The following GJB7 variants were observed in gnomAD, a reference collection of about 807,000 sequenced individuals.
GJB7 encodes gap junction protein beta 7, also known as gap junction beta-7 protein.
For missense variants in GJB7, 253 were observed against 256.8 expected, an observed-to-expected ratio of 0.99 and a Z score of 0.10; for synonymous variants, 87 against 95.2, an observed-to-expected ratio of 0.91 and a Z score of 0.50.
intron 2 of GJB7, among the ~76,000 whole-genome samples, chr6:87,303,501 A>T (rs980954970): frequency 7.9e-5 from 12 of 152,246 alleles, no homozygotes; most frequent in African/African-American, 2.2e-4. Context: ...TATGCACCTA[A>T]TACAGGAGCA....
chr6:87,290,996 G>A (rs1455219812), intron 2 of GJB7, among the ~76,000 whole-genome samples: 1 of 152,158 alleles, frequency 6.6e-6, no homozygotes. Context: ...ATGAAGCCAC[G>A]ATGGGTAGAT....
rs749175814 is a variant in GJB7 at position 87,284,593 on chromosome 6, T to C, written c.320A>G (p.Lys107Arg). 3 of 1,614,174 alleles carry C rather than the reference T, an allele frequency of 1.9e-6. No homozygotes were observed. The Admixed American group carries it at 5.0e-5, about 27-fold the overall frequency. ...TGTACCTGGGCTGACATAGAGTTTC[T>C]TTCTGTGCCTTTTCTCTCTACCCTC... is the stretch of plus-strand genomic sequence containing the variant. ...YHEGREKRHR[K>R]KLYVSPGTMD... is the part of the protein sequence containing the mutation. Residue 107 changes from lysine (K) to arginine (R), a missense_variant, in exon 3 of 3, where the codon AAG becomes AGG. Coordinates refer to ENST00000525899, the MANE Select transcript of GJB7 (RefSeq NM_198568.3).
intron 2 of GJB7, among the ~76,000 whole-genome samples, chr6:87,293,319 G>T (rs996562941): frequency 4.6e-5 from 7 of 152,138 alleles, no homozygotes; most frequent in Non-Finnish European, 1.0e-4. Flanking sequence ...ATGAGCCACC[G>T]CACCCAGCCT....
chr6:87,321,602 G>C (rs1444871437), intron 2 of GJB7, among the ~76,000 whole-genome samples: 1 of 152,108 alleles, frequency 6.6e-6, no homozygotes, highest in Non-Finnish European at 1.5e-5. Flanking sequence ...CCAAGACAGA[G>C]GTCCATTCCT....
chr6:87,327,166 C>T (rs1345926231), intron 1 of GJB7, among the ~76,000 whole-genome samples: 2 of 150,368 alleles, frequency 1.3e-5, no homozygotes, highest in African/African-American at 4.9e-5. Flanking sequence ...TGTGTCTCTG[C>T]ACGTGAGATG....
chr6:87,292,360 C>T (rs1458897680), intron 2 of GJB7, among the ~76,000 whole-genome samples: 1 of 152,154 alleles, frequency 6.6e-6, no homozygotes, highest in African/African-American at 2.4e-5. Context: ...GTTAATTTAT[C>T]TTTGATGAGC....
At chr6:87,325,560 G>C (rs1405007283) in intron 1 of GJB7, among the ~76,000 whole-genome samples, 1 of 149,806 alleles carries the variant, frequency 6.7e-6, no homozygotes, top group Non-Finnish European at 1.5e-5. Context: ...TTATATGCTG[G>C]ATTACATTTA....
Position 87,284,026 on chromosome 6 carries a change from C to A in GJB7, c.*215G>T. 3 of 523,980 alleles carry A rather than the reference C, an allele frequency of 5.7e-6. No homozygotes were observed. Among genetic ancestry groups the A allele is most frequent in the East Asian group, 6.2e-5 (2 of 32,282 alleles). The allele number at this position is 523,980 out of a possible 1,614,324, so 32.5% of individuals were successfully genotyped here. A position where few individuals can be genotyped will look rare whatever the true frequency, so the allele number is the denominator to read the frequency against. Reference sequence around the variant, plus strand: ...GCATATTGACAATGTAAAAAAATTCCTCCCAAATGATACTAAGGCTGATGT... The same window carrying A: ...GCATATTGACAATGTAAAAAAATTCATCCCAAATGATACTAAGGCTGATGT... On this transcript the variant is annotated 3_prime_UTR_variant, in exon 3 of 3. Transcript: ENST00000525899.
At chr6:87,323,440 A>G (rs1420887133) in intron 1 of GJB7, among the ~76,000 whole-genome samples, 2 of 102,868 alleles carry the variant, frequency 1.9e-5, no homozygotes, top group Non-Finnish European at 3.7e-5. Context: ...CCACCCCACA[A>G]CAGACCTCAG....
intron 2 of GJB7, among the ~76,000 whole-genome samples, chr6:87,310,094 G>A (rs1776494241): frequency 6.6e-6 from 1 of 152,020 alleles, no homozygotes; most frequent in Non-Finnish European, 1.5e-5. Context: ...GGGCCAATTG[G>A]AAATCCATAT....
intron 1 of GJB7, among the ~76,000 whole-genome samples, chr6:87,326,569 G>C (rs1776826685): frequency 1.3e-5 from 2 of 149,990 alleles, no homozygotes; most frequent in Non-Finnish European, 3.0e-5. Context: ...CCATGTAGTT[G>C]AGTGGTTTTG....
At chr6:87,301,067 A>T (rs1776314853) in intron 2 of GJB7, among the ~76,000 whole-genome samples, 2 of 152,234 alleles carry the variant, frequency 1.3e-5, no homozygotes, top group Non-Finnish European at 1.5e-5. Context: ...ATATGGCTGA[A>T]TAGGAACAGC....
chr6:87,326,709 G>C (rs575926483), intron 1 of GJB7, among the ~76,000 whole-genome samples: 30 of 126,678 alleles, frequency 2.4e-4, no homozygotes, highest in African/African-American at 9.5e-4. Flanking sequence ...TTTTGGAATA[G>C]GTGTGGTGTG....
intron 2 of GJB7, among the ~76,000 whole-genome samples, chr6:87,286,188 A>G (rs1446899902): frequency 6.6e-6 from 1 of 152,088 alleles, no homozygotes; most frequent in Non-Finnish European, 1.5e-5. Flanking sequence ...CTAAACCTAC[A>G]CAGCTCCCTG....
intron 2 of GJB7, chr6:87,299,348 C>A (rs1776288490): frequency 2.1e-6 from 1 of 476,312 alleles, no homozygotes; most frequent in African/African-American, 2.0e-5. Flanking sequence ...GGTGTCCTCA[C>A]AGTAAAGGAT....
At chr6:87,312,243 G>A (rs1394252888) in intron 2 of GJB7, among the ~76,000 whole-genome samples, 2 of 148,258 alleles carry the variant, frequency 1.3e-5, no homozygotes, top group Non-Finnish European at 3.0e-5. Flanking sequence ...GCCGGGTGCA[G>A]TGGCTCACAC....
chr6:87,301,803 C>T (rs1776332541), intron 2 of GJB7, among the ~76,000 whole-genome samples: 1 of 152,356 alleles, frequency 6.6e-6, no homozygotes, highest in East Asian at 1.9e-4. Context: ...TGACACCTCA[C>T]ATGGCCGGGT....
At chr6:87,328,842 T>C (rs912002542) in intron 1 of GJB7, among the ~76,000 whole-genome samples, 68 of 152,132 alleles carry the variant, frequency 4.5e-4, no homozygotes, top group African/African-American at 1.3e-3. Flanking sequence ...CGGGCGCCCC[T>C]CCCCCAGCCT....
rs766833315 is a variant in GJB7 at position 87,284,675 on chromosome 6, G to T, written c.238C>A (p.Gln80Lys). 5 of 1,614,042 alleles carry T rather than the reference G, an allele frequency of 3.1e-6. No homozygotes were observed. The highest frequency in any genetic ancestry group is 1.3e-5 in the African/African-American group (1 of 74,914). The change falls in exon 3 of 3, where the codon CAA becomes AAA. Residue 80 changes from glutamine (Q) to lysine (K), a missense_variant. Gln to Lys is a moderately conservative substitution (Grantham distance 53, BLOSUM62 1). Transcript: ENST00000525899. ...GAAGGTGTGGAGACCATTATCAGTT[G>T]TAAGGCCCAAAGTCTGACTTGGGAA... ...PISQVRLWAL[Q>K]LIMVSTPSLL...
Sources: allele counts gnomAD v4.1 joint callset (sites outside exome capture counted in the v4.1 genomes callset), GRCh38; gene constraint gnomAD v4.1.1; transcripts MANE v1.5; gene names NCBI Gene and HGNC (gene_info 2026-07-23, HGNC 2026-07-21).